Variants in BABAM2 observed in about 807,000 individuals in gnomAD.
The protein encoded by BABAM2 is BRISC and BRCA1 A complex member 2.
In BABAM2, 31 loss-of-function variants were observed where a neutral mutation model predicts 54.7. The observed-to-expected ratio is 0.57, with a 90% CI of 0.43 to 0.77. BABAM2 has a LOEUF of 0.77. Ranked by LOEUF, BABAM2 falls within the 30% of genes least tolerant of loss-of-function variation. The probability of loss-of-function intolerance (pLI) is 0.00; values close to 1 mark genes in which losing one functional copy is unlikely to be tolerated. For missense variants in BABAM2, 364 were observed against 455.8 expected (o/e 0.80, Z 1.83); for synonymous variants, 167 against 162.9 (o/e 1.03, Z -0.19).
chr2:28,216,865 C>G (rs1313619410), intron 7 of BABAM2, among the ~76,000 whole-genome samples: 4 of 152,206 alleles, frequency 2.6e-5, no homozygotes, highest in Non-Finnish European at 5.9e-5. Context: ...ATACCCACCA[C>G]TTTGGCCACA....
At chr2:28,188,050 G>C (rs971222272) in intron 7 of BABAM2, among the ~76,000 whole-genome samples, 1 of 152,076 alleles carries the variant, frequency 6.6e-6, no homozygotes, top group African/African-American at 2.4e-5. Flanking sequence ...GCAGGCAGTA[G>C]ATATATATGT....
intron 7 of BABAM2, among the ~76,000 whole-genome samples, chr2:28,151,728 T>C (rs921652437): frequency 6.6e-6 from 1 of 152,256 alleles, no homozygotes; most frequent in Non-Finnish European, 1.5e-5. Flanking sequence ...GGAAATGCTT[T>C]GATAACATTT....
intron 6 of BABAM2, among the ~76,000 whole-genome samples, chr2:28,100,547 C>G (rs1452011553): frequency 6.6e-6 from 1 of 151,536 alleles, no homozygotes; most frequent in Non-Finnish European, 1.5e-5. Flanking sequence ...TATGTGTATG[C>G]CCGTTCCTGC....
chr2:28,040,291 A>ATTATTTTTTTTTTTTT (rs1204898070), intron 5 of BABAM2, among the ~76,000 whole-genome samples: 1 of 97,242 alleles, frequency 1.0e-5, no homozygotes, highest in Non-Finnish European at 2.1e-5. Context: ...GAAAAACTGA[A>ATTATTTTTTTTTTTTT]TTCTTTTTTT....
chr2:28,124,475 G>C (rs1421673066), intron 6 of BABAM2, among the ~76,000 whole-genome samples: 1 of 152,188 alleles, frequency 6.6e-6, no homozygotes, highest in Admixed American at 6.5e-5. Context: ...TCCTTTTAAA[G>C]TCACTAGTTC....
chr2:28,149,595 G>C (rs1235550179), intron 7 of BABAM2, among the ~76,000 whole-genome samples: 1 of 152,216 alleles, frequency 6.6e-6, no homozygotes, highest in East Asian at 1.9e-4. Flanking sequence ...TCTGGAGGTA[G>C]AACACAGGGT....
At chr2:28,052,079 G>A (rs1678039358) in intron 6 of BABAM2, among the ~76,000 whole-genome samples, 3 of 152,224 alleles carry the variant, frequency 2.0e-5, no homozygotes, top group Non-Finnish European at 4.4e-5. Flanking sequence ...AACACTTTAA[G>A]TAGGATGACC....
At chr2:27,999,895 G>C (rs1215812121) in intron 4 of BABAM2, among the ~76,000 whole-genome samples, 1 of 152,096 alleles carries the variant, frequency 6.6e-6, no homozygotes, top group Non-Finnish European at 1.5e-5. Flanking sequence ...TGTTTCAAAG[G>C]CTGTTCTTAC....
intron 10 of BABAM2, among the ~76,000 whole-genome samples, chr2:28,251,496 C>T (rs975859948): frequency 2.4e-4 from 36 of 152,174 alleles, no homozygotes; most frequent in African/African-American, 8.7e-4. Flanking sequence ...GTCGCACTGT[C>T]ACCTCACCAC....
At chr2:28,209,568 T>A (rs367668655) in intron 7 of BABAM2, among the ~76,000 whole-genome samples, 37 of 152,292 alleles carry the variant, frequency 2.4e-4, no homozygotes, top group African/African-American at 8.9e-4. Context: ...GCCAGATCAG[T>A]AGACTGTGAC....
intron 2 of BABAM2, among the ~76,000 whole-genome samples, chr2:27,922,887 A>C (rs898942948): frequency 1.3e-5 from 2 of 152,236 alleles, no homozygotes; most frequent in African/African-American, 4.8e-5. Context: ...CCTTGGCTCT[A>C]ACTATGTGTG....
chr2:28,099,304 G>A (rs1573574048), intron 6 of BABAM2, among the ~76,000 whole-genome samples: 1 of 152,024 alleles, frequency 6.6e-6, no homozygotes, highest in East Asian at 1.9e-4. Flanking sequence ...GAGTTTCTGT[G>A]CCCAGAAGGC....
chr2:28,195,681 C>A (rs74721380), intron 7 of BABAM2, among the ~76,000 whole-genome samples: 4 of 152,012 alleles, frequency 2.6e-5, no homozygotes, highest in Non-Finnish European at 5.9e-5. Context: ...ATATACAGTT[C>A]GGATATAGAC....
chr2:28,335,170 T>A (rs1454739044), intron 11 of BABAM2, among the ~76,000 whole-genome samples: 7 of 140,342 alleles, frequency 5.0e-5, no homozygotes. Flanking sequence ...TTTTTTTTTT[T>A]TTTTTTTTTT....
At chr2:28,013,384 T>C (rs1184564830) in intron 4 of BABAM2, 2 of 455,832 alleles carry the variant, frequency 4.4e-6, no homozygotes, top group Admixed American at 2.4e-5. Flanking sequence ...TGGGTGAGGC[T>C]GCCTACTGAA....
chr2:28,025,362 T>C lies in BABAM2; in HGVS notation c.437T>C (p.Leu146Pro). ...CTCATGTTTGAATACCAGACATTAC[T>C]GGAGGAGCCACAGTATGGAGAGAAC... Reference protein sequence around the residue: ...SRLMFEYQTLLEEPQYGENME... With the variant: ...SRLMFEYQTLPEEPQYGENME... The change falls in exon 5 of 12, where the codon CTG becomes CCG. Residue 146 changes from leucine to proline, a missense_variant. Coordinates refer to ENST00000379624, the MANE Select transcript of BABAM2 (RefSeq NM_199191.3). 2 of 1,610,986 alleles carry C rather than the reference T, an allele frequency of 1.2e-6. No individual in the cohort carries two copies. Among genetic ancestry groups the C allele is most frequent in the Non-Finnish European group, 1.7e-6 (2 of 1,179,246 alleles).
intron 11 of BABAM2, among the ~76,000 whole-genome samples, chr2:28,306,208 T>C (rs1688506441): frequency 6.6e-6 from 1 of 152,188 alleles, no homozygotes; most frequent in African/African-American, 2.4e-5. Context: ...AGTTTTGGGG[T>C]ATAGTGTTCT....
intron 11 of BABAM2, among the ~76,000 whole-genome samples, chr2:28,328,343 G>A (rs950200563): frequency 2.0e-5 from 3 of 152,202 alleles, no homozygotes; most frequent in African/African-American, 4.8e-5. Context: ...GCCAGTTGAA[G>A]TCACAGCTGC....
chr2:28,321,799 G>A (rs1324816262), intron 11 of BABAM2, among the ~76,000 whole-genome samples: 1 of 152,060 alleles, frequency 6.6e-6, no homozygotes, highest in African/African-American at 2.4e-5. Context: ...GATTTCATTT[G>A]CCCCTCTGCC....
Sources: allele counts gnomAD v4.1 joint callset (sites outside exome capture counted in the v4.1 genomes callset), GRCh38; gene constraint gnomAD v4.1.1; transcripts MANE v1.5; gene names NCBI Gene and HGNC (gene_info 2026-07-23, HGNC 2026-07-21).